The following RALGPS2 variants were observed in gnomAD, a reference collection of about 807,000 sequenced individuals.
RALGPS2 encodes the protein ras-specific guanine nucleotide-releasing factor RalGPS2.
Under a neutral mutation model 86.8 loss-of-function variants are expected in RALGPS2, and 43 were observed. The ratio of observed to expected loss-of-function variants is 0.50; its 90% CI spans 0.39 to 0.64. The LOEUF (loss-of-function observed/expected upper bound fraction) is 0.64, where lower values mean the gene tolerates loss of function less well. Ranked by LOEUF, RALGPS2 falls within the 30% of genes least tolerant of loss-of-function variation. The pLI is 0.00. For synonymous variants in RALGPS2, 243 were observed against 231.3 expected, an observed-to-expected ratio of 1.05 and a Z score of -0.46; for missense variants, 536 against 694.6, an observed-to-expected ratio of 0.77 and a Z score of 2.57.
At chr1:178,767,962 G>A (rs1186636860) in intron 1 of RALGPS2, among the ~76,000 whole-genome samples, 3 of 152,112 alleles carry the variant, frequency 2.0e-5, no homozygotes, top group African/African-American at 4.8e-5. Context: ...AAGCTGTCTC[G>A]AACTCCTGGG....
chr1:178,755,414 A>G (rs1651902228), intron 1 of RALGPS2, among the ~76,000 whole-genome samples: 1 of 152,022 alleles, frequency 6.6e-6, no homozygotes, highest in Non-Finnish European at 1.5e-5. Flanking sequence ...ATTAGCTCCC[A>G]CTTATAAGTG....
intron 8 of RALGPS2, among the ~76,000 whole-genome samples, chr1:178,856,202 G>GAGAGATATATATAT (rs1428022812): frequency 2.4e-5 from 2 of 83,908 alleles, no homozygotes; most frequent in African/African-American, 1.3e-4. Flanking sequence ...GAGAGAGAGA[G>GAGAGATATATATAT]ATATATATAT....
intron 1 of RALGPS2, among the ~76,000 whole-genome samples, chr1:178,766,016 A>G (rs1384217388): frequency 6.6e-6 from 1 of 152,182 alleles, no homozygotes; most frequent in African/African-American, 2.4e-5. Flanking sequence ...GGCAACATTC[A>G]TCCTCAGCTT....
At chr1:178,816,264 T>C (rs182489852) in intron 6 of RALGPS2, among the ~76,000 whole-genome samples, 1 of 152,290 alleles carries the variant, frequency 6.6e-6, no homozygotes, top group East Asian at 1.9e-4. Context: ...TTTTTTTTAA[T>C]CTGGCCTTTC....
intron 8 of RALGPS2, among the ~76,000 whole-genome samples, chr1:178,851,574 TAGC>T (rs1451861762): frequency 6.6e-6 from 1 of 152,108 alleles, no homozygotes; most frequent in Non-Finnish European, 1.5e-5. Context: ...ATTTTCTAGT[TAGC>T]AGAGTAGATG....
At chr1:178,904,014 C>T (rs1342716364) in intron 18 of RALGPS2, among the ~76,000 whole-genome samples, 1 of 151,974 alleles carries the variant, frequency 6.6e-6, no homozygotes, top group African/African-American at 2.4e-5. Flanking sequence ...CCAACATCTA[C>T]TGTTTTTTTA....
intron 8 of RALGPS2, among the ~76,000 whole-genome samples, chr1:178,861,861 G>A (rs1658037728): frequency 6.6e-6 from 1 of 152,046 alleles, no homozygotes; most frequent in African/African-American, 2.4e-5. Context: ...AGGGATTGAG[G>A]TTTGTTTGTT....
At chr1:178,747,150 G>T in intron 1 of RALGPS2, 1 of 1,009,850 alleles carries the variant, frequency 9.9e-7, no homozygotes, top group African/African-American at 1.6e-5. Context: ...ATCAAAACAA[G>T]ACAAGTGTCT....
At chr1:178,869,717 C>T (rs977834180) in intron 8 of RALGPS2, among the ~76,000 whole-genome samples, 2 of 152,064 alleles carry the variant, frequency 1.3e-5, no homozygotes, top group Admixed American at 6.6e-5. Context: ...TTTAGCTTTA[C>T]CATTATTTGC....
Position 178,920,598 on chromosome 1 carries a change from T to C in RALGPS2, c.*4239T>C, listed in dbSNP as rs982106171. ...AAGCTCCTACCCTGCTTCTATCCTTTTAGAGTAGGAGATTAAAAATAAACC... is the reference window on the plus strand; with the variant it reads ...AAGCTCCTACCCTGCTTCTATCCTTCTAGAGTAGGAGATTAAAAATAAACC... On this transcript the variant is annotated 3_prime_UTR_variant, in exon 20 of 20. Coordinates refer to ENST00000367635, the MANE Select transcript of RALGPS2 (RefSeq NM_152663.5). 2 of 151,914 alleles carry C rather than the reference T, an allele frequency of 1.3e-5. No homozygotes were observed. Among genetic ancestry groups the C allele is most frequent in the Admixed American group, 6.6e-5 (1 of 15,250 alleles). The allele number at this position is 151,914 out of a possible 1,614,324, so 9.4% of individuals were successfully genotyped here. A position where few individuals can be genotyped will look rare whatever the true frequency, so the allele number is the denominator to read the frequency against.
At chr1:178,893,380 T>C in intron 15 of RALGPS2, among the ~76,000 whole-genome samples, 1 of 151,806 alleles carries the variant, frequency 6.6e-6, no homozygotes, top group East Asian at 1.9e-4. Context: ...TGCAGAAAGC[T>C]AGTTTTTAAA....
At chr1:178,736,631 C>T (rs573066701) in intron 1 of RALGPS2, among the ~76,000 whole-genome samples, 34 of 152,226 alleles carry the variant, frequency 2.2e-4, no homozygotes, top group African/African-American at 8.2e-4. Flanking sequence ...GGTGCGGTGG[C>T]TCACACCTGT....
intron 4 of RALGPS2, among the ~76,000 whole-genome samples, chr1:178,792,905 C>CT (rs1348618778): frequency 2.6e-5 from 4 of 152,210 alleles, no homozygotes; most frequent in Admixed American, 2.6e-4. Flanking sequence ...CCTTGCAACT[C>CT]TTACTTTCAC....
intron 1 of RALGPS2, among the ~76,000 whole-genome samples, chr1:178,758,914 G>T (rs1282714975): frequency 6.6e-6 from 1 of 152,080 alleles, no homozygotes; most frequent in Admixed American, 6.6e-5. Flanking sequence ...TAAAAAATCA[G>T]AGTATTAGAT....
intron 8 of RALGPS2, among the ~76,000 whole-genome samples, chr1:178,854,323 A>C (rs1657385620): frequency 6.6e-6 from 1 of 152,206 alleles, no homozygotes; most frequent in Non-Finnish European, 1.5e-5. Context: ...ATTTGATTTC[A>C]GTGGAACATA....
At position 178,920,050 on chromosome 1, in the gene RALGPS2, TC is replaced by T. The variant is rs1647234122; in HGVS notation, c.*3692del. On this transcript the variant is annotated 3_prime_UTR_variant, in exon 20 of 20. Coordinates refer to ENST00000367635, the MANE Select transcript of RALGPS2 (RefSeq NM_152663.5). ...TTTAGGGTTTGCTTTTATTTTCCTC[TC>T]TTTTTTGTATTATTTCTTTCAAACA... is the stretch of plus-strand genomic sequence containing the variant. The T allele has an allele frequency of 6.6e-6, 1 of 152,056 alleles. No individual in the cohort carries two copies. The highest frequency in any genetic ancestry group is 1.5e-5 in the Non-Finnish European group (1 of 67,896). The allele number at this position is 152,056 out of a possible 1,614,324, so 9.4% of individuals were successfully genotyped here.
intron 16 of RALGPS2, 50 bp from the exon 17 acceptor site, chr1:178,897,614 A>G (rs1419102847): frequency 4.1e-6 from 6 of 1,455,128 alleles, no homozygotes; most frequent in South Asian, 1.1e-5. Context: ...TAAAGAAACT[A>G]AGAAGCCAGG....
intron 19 of RALGPS2, among the ~76,000 whole-genome samples, chr1:178,913,316 T>C (rs1660694434): frequency 1.3e-5 from 2 of 152,028 alleles, no homozygotes; most frequent in Non-Finnish European, 2.9e-5. Flanking sequence ...AGAAAGAAAT[T>C]TCTAGAGTGA....
chr1:178,857,719 CTGCATTCATTTGAGTA>C (rs1657684495), intron 8 of RALGPS2, among the ~76,000 whole-genome samples: 1 of 152,042 alleles, frequency 6.6e-6, no homozygotes, highest in South Asian at 2.1e-4. Context: ...AATGTTTACT[CTGCATTCATTTGAGTA>C]TAGTTTTGAC....
Sources: gnomAD v4.1 joint callset for allele counts (sites outside exome capture counted in the v4.1 genomes callset) on GRCh38, gnomAD v4.1.1 for gene constraint, MANE v1.5 for transcripts, NCBI Gene and HGNC (gene_info 2026-07-23, HGNC 2026-07-21) for gene names.